Variants in GKAP1 observed in about 807,000 individuals in gnomAD.
The protein encoded by GKAP1 is G kinase-anchoring protein 1.
In GKAP1, 31 loss-of-function variants were observed where a neutral mutation model predicts 56.7. The observed-to-expected ratio is 0.55, with a 90% confidence interval of 0.41 to 0.74. The LOEUF is 0.74. Among genes scored for constraint, GKAP1 ranks in the 30% least tolerant of loss-of-function variants. The probability of loss-of-function intolerance (pLI) is 0.00; values close to 1 mark genes in which losing one functional copy is unlikely to be tolerated. For missense variants in GKAP1, 364 were observed against 402.3 expected (o/e 0.90, Z 0.82); for synonymous variants, 151 against 138.6 (o/e 1.09, Z -0.63).
At chr9:83,756,470 C>CAAAAAAAAAAAAAAAA (rs142896755) in intron 8 of GKAP1, among the ~76,000 whole-genome samples, 98 of 75,370 alleles carry the variant, frequency 1.3e-3, no homozygotes, top group Non-Finnish European at 1.7e-3. Flanking sequence ...GACTCCATCT[C>CAAAAAAAAAAAAAAAA]AAAAAAAAAA....
intron 7 of GKAP1, among the ~76,000 whole-genome samples, chr9:83,776,581 A>AT (rs1360617890): frequency 6.6e-6 from 1 of 152,080 alleles, no homozygotes; most frequent in Non-Finnish European, 1.5e-5. Flanking sequence ...TGTAGACCCC[A>AT]GCTACTCGGG....
At chr9:83,812,150 T>A (rs1944513915) in intron 2 of GKAP1, among the ~76,000 whole-genome samples, 1 of 151,356 alleles carries the variant, frequency 6.6e-6, no homozygotes, top group Non-Finnish European at 1.5e-5. Context: ...TGGTTTTTAC[T>A]ATTTCCCCAA....
intron 2 of GKAP1, among the ~76,000 whole-genome samples, chr9:83,807,709 T>C (rs984474356): frequency 2.6e-5 from 4 of 152,256 alleles, no homozygotes; most frequent in African/African-American, 7.2e-5. Flanking sequence ...GTGATCATAT[T>C]TGAATGAACT....
intron 8 of GKAP1, among the ~76,000 whole-genome samples, chr9:83,756,142 G>C (rs147358494): frequency 6.6e-6 from 1 of 151,726 alleles, no homozygotes; most frequent in South Asian, 2.1e-4. Context: ...TTCTTAGTGT[G>C]ATTAGAGGCA....
At chr9:83,779,586 CGTATATGTGTATATATAT>C (rs1943934311) in intron 7 of GKAP1, among the ~76,000 whole-genome samples, 2 of 121,920 alleles carry the variant, frequency 1.6e-5, no homozygotes, top group African/African-American at 6.0e-5. Context: ...TATATATACA[CGTATATGTGTATATATAT>C]ACACATATAC....
chr9:83,809,489 T>C (rs2778327), intron 2 of GKAP1, among the ~76,000 whole-genome samples: 2 of 152,352 alleles, frequency 1.3e-5, no homozygotes, highest in Non-Finnish European at 2.9e-5. Context: ...CCCATTATCA[T>C]AGACAGGCTT....
chr9:83,756,522 G>C (rs577533950), intron 8 of GKAP1, among the ~76,000 whole-genome samples: 10 of 101,394 alleles, frequency 9.9e-5, no homozygotes, highest in Non-Finnish European at 2.1e-4. Flanking sequence ...TTAATGTCCT[G>C]AATGCTCATC....
intron 3 of GKAP1, among the ~76,000 whole-genome samples, chr9:83,805,484 A>T (rs975057890): frequency 7.2e-5 from 11 of 152,174 alleles, no homozygotes; most frequent in Non-Finnish European, 1.3e-4. Flanking sequence ...AAAAATAAAA[A>T]AAAAACCATG....
At position 83,779,448 on chromosome 9, in the gene GKAP1, T is replaced by TATACAC. The variant is rs1554742273; in HGVS notation, c.585+933_585+934insGTGTAT. Among the ~76,000 whole-genome samples the TATACAC allele has an allele frequency of 4.3e-4, 52 of 119,614 alleles. 1 individual carries two copies. Among genetic ancestry groups the TATACAC allele is most frequent in the African/African-American group, 1.6e-3 (51 of 32,408 alleles). The allele number at this position is 119,614 out of a possible 152,430, so 78.5% of individuals were successfully genotyped here. ...AGCCATATATATATATATATATATA[T>TATACAC]ACACACACACACACACGCACATATA... On this transcript the variant is annotated intron_variant, in intron 7 of 12. Coordinates refer to ENST00000376371, the MANE Select transcript of GKAP1 (RefSeq NM_025211.4).
intron 4 of GKAP1, among the ~76,000 whole-genome samples, chr9:83,798,414 T>G (rs901028709): frequency 6.6e-6 from 1 of 152,210 alleles, no homozygotes; most frequent in African/African-American, 2.4e-5. Flanking sequence ...TGACATTTAA[T>G]AGAGACATAG....
At chr9:83,759,730 C>A (rs1031615860) in intron 8 of GKAP1, among the ~76,000 whole-genome samples, 3 of 152,092 alleles carry the variant, frequency 2.0e-5, no homozygotes, top group African/African-American at 7.2e-5. Flanking sequence ...AATGGTTATA[C>A]CAATTTACAT....
intron 7 of GKAP1, among the ~76,000 whole-genome samples, chr9:83,771,644 C>A (rs1197215653): frequency 6.6e-6 from 1 of 151,908 alleles, no homozygotes; most frequent in African/African-American, 2.4e-5. Context: ...AGTATTATTT[C>A]CCCCCCAAGT....
At position 83,761,682 on chromosome 9, in the gene GKAP1, C is replaced by T. The variant is rs150507792; in HGVS notation, c.738+7136G>A. 3.8e-3 allele frequency among the ~76,000 whole-genome samples: 585 copies of T among 152,070 alleles called. 2 individuals carry two copies. The highest frequency in any genetic ancestry group is 7.8e-3 in the Admixed American group (119 of 15,254). On this transcript the variant is annotated intron_variant, in intron 8 of 12. Coordinates refer to ENST00000376371, the MANE Select transcript of GKAP1 (RefSeq NM_025211.4). ...AATCCACAAAAAATACTGAATTCAA[C>T]AACACATTAAAAAGATCATTCATTA...
chr9:83,762,885 T>C (rs780036766), intron 8 of GKAP1, among the ~76,000 whole-genome samples: 23 of 152,132 alleles, frequency 1.5e-4, no homozygotes, highest in East Asian at 1.9e-4. Context: ...TCTTGCCATA[T>C]ACAAAAATCA....
Position 83,788,676 on chromosome 9 carries a change from C to G in GKAP1, c.363G>C (p.Leu121=). ...GATCTGCTTCAAACATTTCAGATGT[C>G]AGCTACAAAAAAAAAGTTTCACAAT... ...WQEWRQRDEQ[L]TSEMFEADLE... Residue 121 remains leucine, a splice_region_variant and synonymous_variant, in exon 5 of 13, where the codon CTG becomes CTC. Transcript: ENST00000376371. 6.3e-7 allele frequency: 1 copy of G among 1,599,398 alleles called. No individual in the cohort carries two copies.
intron 2 of GKAP1, among the ~76,000 whole-genome samples, chr9:83,816,386 A>T (rs372896945): frequency 1.3e-5 from 2 of 152,278 alleles, no homozygotes; most frequent in African/African-American, 4.8e-5. Flanking sequence ...TTAAACAAAA[A>T]ATACAAGCAG....
At chr9:83,763,627 A>G (rs537251612) in intron 8 of GKAP1, among the ~76,000 whole-genome samples, 2 of 152,256 alleles carry the variant, frequency 1.3e-5, no homozygotes, top group South Asian at 2.1e-4. Context: ...TTCAAATGCT[A>G]TTTTCTCCTC....
At chr9:83,785,120 T>C (rs1220368169) in intron 5 of GKAP1, among the ~76,000 whole-genome samples, 1 of 152,148 alleles carries the variant, frequency 6.6e-6, no homozygotes, top group Non-Finnish European at 1.5e-5. Context: ...AAGACAATAA[T>C]CAGCAATTTC....
chr9:83,809,746 G>C (rs1223519254), intron 2 of GKAP1, among the ~76,000 whole-genome samples: 1 of 152,202 alleles, frequency 6.6e-6, no homozygotes, highest in Non-Finnish European at 1.5e-5. Flanking sequence ...CTAGAGCTTT[G>C]TCATTAAACA....
Sources: allele counts gnomAD v4.1 joint callset (sites outside exome capture counted in the v4.1 genomes callset), GRCh38; gene constraint gnomAD v4.1.1; transcripts MANE v1.5; gene names NCBI Gene and HGNC (gene_info 2026-07-23, HGNC 2026-07-21).